The following MUC4 variants were observed in gnomAD, a reference collection of about 807,000 sequenced individuals.
MUC4 encodes the protein mucin-4.
MUC4 carries 202 observed loss-of-function variants against 257.9 expected under a neutral mutation model. The ratio of observed to expected loss-of-function variants is 0.78; its 90% CI spans 0.70 to 0.88. The LOEUF (loss-of-function observed/expected upper bound fraction) is 0.88. MUC4 is among the 40% of genes least tolerant of loss of function. The probability of loss-of-function intolerance (pLI) is 0.00; values close to 1 mark genes in which losing one functional copy is unlikely to be tolerated. For missense variants in MUC4, 5,976 were observed against 6,513.7 expected, an observed-to-expected ratio of 0.92 and a Z score of 2.84; for synonymous variants, 2,351 against 2,757.1, an observed-to-expected ratio of 0.85 and a Z score of 4.62.
Position 195,762,882 on chromosome 3 carries a change from A to T in MUC4, c.14317T>A (p.Phe4773Ile). ...CCGCCGTCTTCATGGTCAGGCTGAA[A>T]TGTCACAGTCTGGTTATCCAGCAGG... ...RVLLDNQTVT[F>I]QPDHEDGGGQ... Residue 4773 changes from phenylalanine (F) to isoleucine (I), a missense_variant, in exon 13 of 25, where the codon TTT (phenylalanine) becomes ATT (isoleucine). Physicochemically the swap from Phe to Ile is conservative, Grantham distance 21. Transcript: ENST00000463781. The T allele has an allele frequency of 1.3e-6, 2 of 1,571,074 alleles. No homozygotes were observed.
intron 1 of MUC4, chr3:195,809,867 C>G (rs1338517385): frequency 1.3e-5 from 2 of 152,334 alleles, no homozygotes; most frequent in East Asian, 3.8e-4. Context: ...GACCGGGGCC[C>G]TGGGGAGACA....
Position 195,761,643 on chromosome 3 carries a change from G to T in MUC4, c.14513-58C>A, listed in dbSNP as rs1257886228. On this transcript the variant is annotated intron_variant, in intron 14 of 24. Transcript: ENST00000463781. ...GGCACGCGGCTGTCCCCTTCCTGGG[G>T]AGCATCCGGCGGACGCAGTGGGGAG... The T allele has an allele frequency of 2.2e-6, 3 of 1,376,732 alleles. No homozygotes were observed. In the Admixed American group the frequency reaches 5.1e-5, roughly 23 times the overall value. 85.3% of individuals were successfully genotyped at this position (1,376,732 alleles called of 1,614,324 possible). A position where few individuals can be genotyped will look rare whatever the true frequency, so the allele number is the denominator to read the frequency against.
At chr3:195,778,672 G>A (rs1725608797) in intron 2 of MUC4, 118 bp downstream of exon 2, 6 of 1,326,822 alleles carry the variant, frequency 4.5e-6, no homozygotes, top group East Asian at 2.5e-5. Context: ...CTCCCCTGTG[G>A]GACCTGACAC....
At position 195,781,164 on chromosome 3, in the gene MUC4, A is replaced by G; in HGVS notation, c.10416T>C (p.Pro3472=). 2.0e-6 allele frequency: 3 copies of G among 1,489,348 alleles called. No individual in the cohort carries two copies. The highest frequency in any genetic ancestry group is 2.7e-6 in the Non-Finnish European group (3 of 1,115,968). 92.3% of individuals were successfully genotyped at this position (1,489,348 alleles called of 1,614,324 possible). A position where few individuals can be genotyped will look rare whatever the true frequency, so the allele number is the denominator to read the frequency against. ...TSSASTGDTT[P]LPVTSPSSAS... is the part of the protein sequence containing the mutation. ...CTGAGGAAGGGCTGGTGACAGGAAG[A>G]GGGGTGGTGTCACCTGTGGATGCTG... Residue 3472 remains proline, a synonymous_variant, in exon 2 of 25, where the codon CCT becomes CCC. Coordinates refer to ENST00000463781, the MANE Select transcript of MUC4 (RefSeq NM_018406.7).
At chr3:195,797,179 G>C (rs894960774) in intron 1 of MUC4, among the ~76,000 whole-genome samples, 1 of 152,050 alleles carries the variant, frequency 6.6e-6, no homozygotes, top group Non-Finnish European at 1.5e-5. Flanking sequence ...TGAGGCACGA[G>C]AATTGCTTGA....
Position 195,774,223 on chromosome 3 carries a change from G to C in MUC4, c.13026C>G (p.Phe4342Leu), listed in dbSNP as rs372488257. The change falls in exon 4 of 25, where the codon TTC (phenylalanine) becomes TTG (leucine). Residue 4342 changes from phenylalanine (F) to leucine (L), a missense_variant. By Grantham distance (22) the Phe-to-Leu change is conservative (BLOSUM62 0). Around this residue, in one of 44 missense-constraint regions of MUC4, gnomAD observed 233 missense variants for 171.2 expected, o/e 1.36. Coordinates refer to ENST00000463781, the MANE Select transcript of MUC4 (RefSeq NM_018406.7). ...CAAGGGGGAAGCCAGTCGCCGGCTT[G>C]AAGAGTGGGGAGGTGAAGTCCACGG... ...RRTVDFTSPL[F>L]KPATGFPLGS... 7.3e-5 allele frequency: 118 copies of C among 1,608,454 alleles called. No homozygotes were observed. The highest frequency in any genetic ancestry group is 9.4e-5 in the Non-Finnish European group (111 of 1,177,608).
intron 7 of MUC4, among the ~76,000 whole-genome samples, chr3:195,767,877 T>TCACCCCCAACAC (rs1721803036): frequency 1.3e-5 from 1 of 74,706 alleles, no homozygotes; most frequent in Non-Finnish European, 2.8e-5. Flanking sequence ...ACCACCACCA[T>TCACCCCCAACAC]CACCACCATC....
At chr3:195,796,391 CTATT>C (rs1473274542) in intron 1 of MUC4, among the ~76,000 whole-genome samples, 1 of 151,472 alleles carries the variant, frequency 6.6e-6, no homozygotes, top group Non-Finnish European at 1.5e-5. Context: ...CCACTATAAA[CTATT>C]TTAAATTGAA....
At chr3:195,807,394 G>T (rs1459256156) in intron 1 of MUC4, among the ~76,000 whole-genome samples, 2 of 152,234 alleles carry the variant, frequency 1.3e-5, no homozygotes, top group Admixed American at 6.5e-5. Flanking sequence ...CTTGAACCCG[G>T]GAGGCAGAGG....
In MUC4 at chr3:195,762,145, G is replaced by C; in HGVS notation, c.14454C>G (p.Ile4818Met). 1 of 1,607,228 alleles carries C rather than the reference G, an allele frequency of 6.2e-7. No homozygotes were observed. The highest frequency in any genetic ancestry group is 8.5e-7 in the Non-Finnish European group (1 of 1,177,930). The change falls in exon 14 of 25, where the codon ATC (isoleucine) becomes ATG (methionine). Residue 4818 changes from isoleucine (I) to methionine (M), a missense_variant. This residue lies in a region of MUC4 where 996 missense variants were observed against 1,137.3 expected (regional missense o/e 0.88). Transcript: ENST00000463781. ...GCGGGAGGCTGGCGGAGGCGTGGAG[G>C]ATGTTGGAGAGCGCGATCACCGAGA... is the stretch of plus-strand genomic sequence containing the variant. Reference protein sequence around the residue: ...ATVSVIALSNILHASASLPPE... With the variant: ...ATVSVIALSNMLHASASLPPE...
At position 195,784,699 on chromosome 3, in the gene MUC4, G is replaced by T. The variant is rs538267742; in HGVS notation, c.6881C>A (p.Pro2294His). 6.9e-7 allele frequency: 1 copy of T among 1,445,190 alleles called. No homozygotes were observed. The highest frequency in any genetic ancestry group is 2.2e-5 in the African/African-American group (1 of 45,940). 89.5% of individuals were successfully genotyped at this position (1,445,190 alleles called of 1,614,324 possible). ...GDTTPLPVTS[P>H]SSASTGHATP... ...GGCGTGACCTGTGGATGCTGAGGAA[G>T]GGCTAGTGACAGGAAGAGGAGTGGT... The change falls in exon 2 of 25, where the codon CCT becomes CAT. Residue 2294 changes from proline (P) to histidine (H), a missense_variant. This residue lies in a region of MUC4 where 62 missense variants were observed against 74.0 expected (regional missense o/e 0.84). Coordinates refer to ENST00000463781, the MANE Select transcript of MUC4 (RefSeq NM_018406.7).
intron 6 of MUC4, 45 bp from the exon 7 acceptor site, chr3:195,769,197 C>CG: frequency 5.6e-6 from 9 of 1,607,650 alleles, no homozygotes; most frequent in Non-Finnish European, 7.6e-6. Flanking sequence ...GTGAGAGATC[C>CG]GGGGTCTCCT....
In MUC4 at chr3:195,766,664, T is replaced by C; in HGVS notation, c.13617A>G (p.Ser4539=). The change falls in exon 8 of 25, where the codon TCA becomes TCG. Residue 4539 remains serine, a splice_region_variant and synonymous_variant. Transcript: ENST00000463781. ...GGTGTGATAAGGTGGCACTTTTACC[T>C]GAGTTGGAATTCAGGAATCTATCAG... The part of the protein sequence containing the change: ...YRPDRFLNSN[S]GLQGLQFYRL... 1 of 1,614,102 alleles carries C rather than the reference T, an allele frequency of 6.2e-7. No homozygotes were observed. The highest frequency in any genetic ancestry group is 8.5e-7 in the Non-Finnish European group (1 of 1,179,960).
In MUC4 at chr3:195,778,353, G is replaced by T. The variant is rs775577848; in HGVS notation, c.12893C>A (p.Ala4298Asp). 1 of 1,612,882 alleles carries T rather than the reference G, an allele frequency of 6.2e-7. No homozygotes were observed. Among genetic ancestry groups the T allele is most frequent in the African/African-American group, 1.3e-5 (1 of 74,920 alleles). The change falls in exon 3 of 25, where the codon GCC becomes GAC. Residue 4298 changes from alanine (A) to aspartate (D), a missense_variant. Transcript: ENST00000463781. ...GGCAGCTGTGGAGCGGGTGTGCATG[G>T]CAGTGCTGGGAATGGTGGAAATGAT... Reference protein sequence around the residue: ...QTIISTIPSTAMHTRSTAAPI... With the variant: ...QTIISTIPSTDMHTRSTAAPI...
chr3:195,791,296 T>G lies in MUC4; in HGVS notation c.284A>C (p.Gln95Pro). 1 of 1,613,790 alleles carries G rather than the reference T, an allele frequency of 6.2e-7. No individual in the cohort carries two copies. ...TSKAQTDTLT[Q>P]MMTSTLFSSP... The stretch of plus-strand genomic sequence containing the variant: ...AGAAAAAAGAGTTGATGTCATCATC[T>G]GCGTGAGGGTGTCGGTTTGAGCTTT... The change falls in exon 2 of 25, where the codon CAG (glutamine) becomes CCG (proline). Residue 95 changes from glutamine to proline, a missense_variant. By Grantham distance (76) the Gln-to-Pro change is moderately conservative (BLOSUM62 -1). Transcript: ENST00000463781.
Position 195,791,034 on chromosome 3 carries a change from A to C in MUC4, c.546T>G (p.Thr182=). The C allele has an allele frequency of 6.2e-7, 1 of 1,613,606 alleles. No individual in the cohort carries two copies. Among genetic ancestry groups the C allele is most frequent in the Non-Finnish European group, 8.5e-7 (1 of 1,179,834 alleles). ...TAGQEGQSRT[T]SWRTSIQDTS... ...TGTCTTGGATAGAGGTCCTCCAGGA[A>C]GTTGTTCGTGATTGTCCTTCCTGTC... is the stretch of plus-strand genomic sequence containing the variant. Residue 182 remains threonine (T), a synonymous_variant, in exon 2 of 25, where the codon ACT becomes ACG. Transcript: ENST00000463781.
At chr3:195,807,532 A>G (rs1736138601) in intron 1 of MUC4, among the ~76,000 whole-genome samples, 1 of 152,136 alleles carries the variant, frequency 6.6e-6, no homozygotes, top group African/African-American at 2.4e-5. Flanking sequence ...CCGTCTATGA[A>G]GAAATCGTCG....
At position 195,753,247 on chromosome 3, in the gene MUC4, G is replaced by T; in HGVS notation, c.15329-17C>A. 6.2e-7 allele frequency: 1 copy of T among 1,612,786 alleles called. No homozygotes were observed. The highest frequency in any genetic ancestry group is 8.5e-7 in the Non-Finnish European group (1 of 1,179,164). The stretch of plus-strand genomic sequence containing the variant: ...TCCCCAGAGCTGCAGAGTGAGTAGG[G>T]AGGTCAGCAGCAGCGCGCAGGGCAG... On this transcript the variant is annotated splice_polypyrimidine_tract_variant and intron_variant, in intron 19 of 24. Coordinates refer to ENST00000463781, the MANE Select transcript of MUC4 (RefSeq NM_018406.7).
At chr3:195,748,553 A>T (rs1715638662) in intron 24 of MUC4, among the ~76,000 whole-genome samples, 2 of 152,188 alleles carry the variant, frequency 1.3e-5, no homozygotes, top group Admixed American at 1.3e-4. Context: ...GACAAATGAC[A>T]CTCCATCTCA....
Sources: gnomAD v4.1 joint callset for allele counts (sites outside exome capture counted in the v4.1 genomes callset) on GRCh38, gnomAD v4.1.1 for gene constraint, gnomAD v4.1.1 regional missense constraint, MANE v1.5 for transcripts, NCBI Gene and HGNC (gene_info 2026-07-23, HGNC 2026-07-21) for gene names.